The following CREB1 variants were observed in gnomAD, a reference collection of about 807,000 sequenced individuals.
The protein encoded by CREB1 is cyclic AMP-responsive element-binding protein 1.
Under a neutral mutation model 42.0 loss-of-function variants are expected in CREB1, and 2 were observed. The ratio of observed to expected loss-of-function variants is 0.05; its 90% CI spans 0.02 to 0.15. The LOEUF (loss-of-function observed/expected upper bound fraction) is 0.15. CREB1 is among the 10% of genes least tolerant of loss of function. The pLI is 1.00. For synonymous variants in CREB1, 123 were observed against 139.9 expected, an observed-to-expected ratio of 0.88 and a Z score of 0.85; for missense variants, 199 against 388.9, an observed-to-expected ratio of 0.51 and a Z score of 4.11.
intron 3 of CREB1, among the ~76,000 whole-genome samples, chr2:207,562,754 A>G (rs1310465101): frequency 3.3e-5 from 5 of 152,222 alleles, no homozygotes; most frequent in African/African-American, 1.2e-4. Flanking sequence ...TGATCAAACA[A>G]GGAGAGGATC....
intron 3 of CREB1, among the ~76,000 whole-genome samples, chr2:207,564,791 T>C (rs1032989400): frequency 3.3e-5 from 5 of 152,150 alleles, no homozygotes; most frequent in Non-Finnish European, 7.4e-5. Context: ...AGTGGTAGTT[T>C]AGCTTTTTGA....
chr2:207,537,409 G>C (rs949227091), intron 1 of CREB1, among the ~76,000 whole-genome samples: 1 of 152,146 alleles, frequency 6.6e-6, no homozygotes, highest in Non-Finnish European at 1.5e-5. Flanking sequence ...AAGGCAGAAC[G>C]TTTTTTATCT....
intron 1 of CREB1, among the ~76,000 whole-genome samples, chr2:207,545,244 G>A (rs2081257987): frequency 6.6e-6 from 1 of 152,220 alleles, no homozygotes; most frequent in East Asian, 1.9e-4. Flanking sequence ...GTCTCACTCT[G>A]TTGCCCAGAC....
chr2:207,577,367 C>T, intron 6 of CREB1, 138 bp from the exon 7 acceptor site: 1 of 1,225,834 alleles, frequency 8.2e-7, no homozygotes, highest in Non-Finnish European at 1.1e-6. Flanking sequence ...CTGATTCTTT[C>T]AACGCTTTAG....
chr2:207,597,133 ATTT>A lies in CREB1; in HGVS notation c.*77_*79del. On this transcript the variant is annotated 3_prime_UTR_variant, in exon 8 of 8. Transcript: ENST00000353267. ...CCACAACCTGAAAGACAAAATAAAC[ATTT>A]TATTTTCTAAACATTTCTTTTTTTC... The A allele has an allele frequency of 7.0e-7, 1 of 1,430,892 alleles. No individual in the cohort carries two copies. The highest frequency in any genetic ancestry group is 1.4e-5 in the South Asian group (1 of 72,274). The allele number at this position is 1,430,892 out of a possible 1,614,324, so 88.6% of individuals were successfully genotyped here. A position where few individuals can be genotyped will look rare whatever the true frequency, so the allele number is the denominator to read the frequency against.
chr2:207,545,011 G>A (rs1443088813), intron 1 of CREB1, among the ~76,000 whole-genome samples: 1 of 152,108 alleles, frequency 6.6e-6, no homozygotes, highest in Non-Finnish European at 1.5e-5. Flanking sequence ...TGTGAATAGT[G>A]CTGCAGTTAA....
intron 5 of CREB1, chr2:207,571,679 C>G: frequency 2.2e-6 from 1 of 448,492 alleles, no homozygotes; most frequent in Non-Finnish European, 4.5e-6. Flanking sequence ...TTTAGTTATT[C>G]AAGATATGTG....
At chr2:207,570,446 T>A (rs2082311807) in intron 5 of CREB1, 125 bp downstream of exon 5, 1 of 879,502 alleles carries the variant, frequency 1.1e-6, no homozygotes, top group South Asian at 2.1e-5. Context: ...GCTGCCATTA[T>A]TATATTTCCT....
chr2:207,540,683 A>G (rs2081064964), intron 1 of CREB1, among the ~76,000 whole-genome samples: 1 of 149,876 alleles, frequency 6.7e-6, no homozygotes, highest in East Asian at 1.9e-4. Flanking sequence ...AAAAAAAAAA[A>G]AAAAAAAAAA....
Position 207,599,040 on chromosome 2 carries a change from G to A in CREB1, c.*1982G>A, listed in dbSNP as rs1156979265. ...AGATTTTAATTAACATTTGTAAATG[G>A]TATATTTTCGTTTGTAACAAACCAT... On this transcript the variant is annotated 3_prime_UTR_variant, in exon 8 of 8. Transcript: ENST00000353267. 2 of 183,304 alleles carry A rather than the reference G, an allele frequency of 1.1e-5. No individual in the cohort carries two copies. Among genetic ancestry groups the A allele is most frequent in the African/African-American group, 4.7e-5 (2 of 42,538 alleles). 11.4% of individuals were successfully genotyped at this position (183,304 alleles called of 1,614,324 possible). A position where few individuals can be genotyped will look rare whatever the true frequency, so the allele number is the denominator to read the frequency against.
intron 4 of CREB1, among the ~76,000 whole-genome samples, chr2:207,568,671 A>T (rs1320677810): frequency 1.3e-5 from 2 of 152,156 alleles, no homozygotes; most frequent in Non-Finnish European, 2.9e-5. Flanking sequence ...GACAGAGTTT[A>T]TAACTAGTTT....
chr2:207,596,720 G>A (rs1202874661), intron 7 of CREB1, among the ~76,000 whole-genome samples, 194 bp from the exon 8 acceptor site: 2 of 152,080 alleles, frequency 1.3e-5, no homozygotes, highest in African/African-American at 2.4e-5. Context: ...GGCGTGAGCC[G>A]CCACGCCTGG....
chr2:207,555,442 T>C (rs2081678715), intron 1 of CREB1, among the ~76,000 whole-genome samples, 186 bp from the exon 2 acceptor site: 2 of 152,194 alleles, frequency 1.3e-5, no homozygotes, highest in Admixed American at 6.5e-5. Flanking sequence ...ACTAGAACTT[T>C]TATAGCTCAG....
chr2:207,569,421 G>T (rs1225429827), intron 4 of CREB1, among the ~76,000 whole-genome samples: 1 of 151,434 alleles, frequency 6.6e-6, no homozygotes, highest in African/African-American at 2.4e-5. Context: ...TTTTGTTTTT[G>T]TTTTTTTTGT....
chr2:207,567,539 T>G lies in CREB1; in HGVS notation c.338T>G (p.Ile113Ser). 1.2e-6 allele frequency: 2 copies of G among 1,612,038 alleles called. No homozygotes were observed. Among genetic ancestry groups the G allele is most frequent in the Non-Finnish European group, 1.7e-6 (2 of 1,178,494 alleles). Residue 113 changes from isoleucine (I) to serine (S), a missense_variant, in exon 4 of 8, where the codon ATT becomes AGT. By Grantham distance (142) the Ile-to-Ser change is moderately radical. Transcript: ENST00000353267. ...ACTGATTCCCAAAAGCGAAGGGAAA[T>G]TCTTTCAAGGAGGCCTTCCTACAGG... ...SVTDSQKRRE[I>S]LSRRPSYRKI...
At chr2:207,577,788 C>A in intron 7 of CREB1, 133 bp downstream of exon 7, 1 of 1,068,882 alleles carries the variant, frequency 9.4e-7, no homozygotes, top group Non-Finnish European at 1.4e-6. Flanking sequence ...ATTAATGGAT[C>A]TTGCTAAATT....
chr2:207,570,056 A>C lies in CREB1; in HGVS notation c.363-123A>C, dbSNP rs571279257. The C allele has an allele frequency of 2.5e-3, 1,641 of 663,394 alleles. 3 individuals are homozygous for C. Among genetic ancestry groups the C allele is most frequent in the Non-Finnish European group, 3.1e-3 (1,374 of 436,564 alleles). The allele number at this position is 663,394 out of a possible 1,614,324, so 41.1% of individuals were successfully genotyped here. A position where few individuals can be genotyped will look rare whatever the true frequency, so the allele number is the denominator to read the frequency against. ...ACTCCATCTCAAAAAAAAAAAAAAA[A>C]AAAAAACCTTCTGTCCTAAGCACTA... is the stretch of plus-strand genomic sequence containing the variant. On this transcript the variant is annotated intron_variant, in intron 4 of 7. Transcript: ENST00000353267.
intron 7 of CREB1, 81 bp from the exon 8 acceptor site, chr2:207,596,833 A>T: frequency 6.6e-7 from 1 of 1,525,266 alleles, no homozygotes; most frequent in Non-Finnish European, 8.8e-7. Context: ...CTATTTCTTT[A>T]AAAAAGAAAA....
rs1030868891 is a variant in CREB1 at position 207,603,761 on chromosome 2, C to T, written c.*6703C>T. Among the ~76,000 whole-genome samples the T allele has an allele frequency of 4.6e-5, 7 of 152,134 alleles. No individual in the cohort carries two copies. On this transcript the variant is annotated 3_prime_UTR_variant, in exon 8 of 8. Coordinates refer to ENST00000353267, the MANE Select transcript of CREB1 (RefSeq NM_004379.5). ...AGGACAATAAGACTATATACCTTCT[C>T]AGGTCCCCTTGCAATTCTAAAACTC...
Sources: gnomAD v4.1 joint callset for allele counts (sites outside exome capture counted in the v4.1 genomes callset) on GRCh38, gnomAD v4.1.1 for gene constraint, MANE v1.5 for transcripts, NCBI Gene and HGNC (gene_info 2026-07-23, HGNC 2026-07-21) for gene names.